GPC6: variants seen among roughly 807,000 people sequenced by gnomAD.
The protein encoded by GPC6 is glypican-6.
Under a neutral mutation model 55.2 loss-of-function variants are expected in GPC6, and 14 were observed. That is an observed-to-expected ratio of 0.25 (90% CI 0.17 to 0.40). The LOEUF is 0.40. Among genes scored for constraint, GPC6 ranks in the 10% least tolerant of loss-of-function variants. The pLI, the probability that GPC6 is intolerant of heterozygous loss-of-function variation, is 1.00. For synonymous variants in GPC6, 278 were observed against 259.6 expected (o/e 1.07, Z -0.68); for missense variants, 641 against 708.5 (o/e 0.90, Z 1.08).
chr13:93,887,585 G>A (rs752945192), intron 3 of GPC6, among the ~76,000 whole-genome samples: 12 of 152,050 alleles, frequency 7.9e-5, no homozygotes, highest in Non-Finnish European at 1.8e-4. Flanking sequence ...GACCTTAGAA[G>A]TAAAGAGATA....
At chr13:94,264,845 C>A (rs1464827964) in intron 4 of GPC6, among the ~76,000 whole-genome samples, 1 of 152,180 alleles carries the variant, frequency 6.6e-6, no homozygotes, top group Non-Finnish European at 1.5e-5. Context: ...ACCTCATAAT[C>A]ATGGCAGAAG....
chr13:93,781,276 GAAAA>G (rs10714640), intron 2 of GPC6, among the ~76,000 whole-genome samples: 1 of 136,240 alleles, frequency 7.3e-6, no homozygotes. Flanking sequence ...CTCCATCTCC[GAAAA>G]AAAAAAAAAA....
chr13:94,262,814 G>A (rs1286474223), intron 4 of GPC6, among the ~76,000 whole-genome samples: 3 of 152,068 alleles, frequency 2.0e-5, no homozygotes, highest in African/African-American at 4.8e-5. Flanking sequence ...TGTAAAATAG[G>A]ATTTAATCAC....
intron 1 of GPC6, among the ~76,000 whole-genome samples, chr13:93,516,051 A>G (rs552204472): frequency 2.6e-4 from 39 of 152,254 alleles, no homozygotes; most frequent in African/African-American, 9.1e-4. Context: ...TTCTTGCAAC[A>G]TTGGTGAAAG....
At chr13:94,266,389 C>T (rs9524388) in intron 4 of GPC6, among the ~76,000 whole-genome samples, 98,468 of 151,456 alleles carry the variant, frequency 0.65, 32,557 homozygotes, top group African/African-American at 0.77. Flanking sequence ...AGGATGGTCT[C>T]GATCTCCTGA....
chr13:93,404,160 T>C (rs1289185888), intron 1 of GPC6, among the ~76,000 whole-genome samples: 1 of 152,170 alleles, frequency 6.6e-6, no homozygotes, highest in Non-Finnish European at 1.5e-5. Context: ...TTAAACTTTA[T>C]TTTCATTTTT....
intron 4 of GPC6, among the ~76,000 whole-genome samples, chr13:94,085,321 C>CTAA (rs1885240476): frequency 1.1e-5 from 1 of 87,050 alleles, no homozygotes; most frequent in Admixed American, 1.5e-4. Flanking sequence ...GATTCTGTCT[C>CTAA]AAAAAAAAAA....
At chr13:93,305,901 A>G (rs1289770037) in intron 1 of GPC6, among the ~76,000 whole-genome samples, 1 of 152,206 alleles carries the variant, frequency 6.6e-6, no homozygotes, top group Admixed American at 6.5e-5. Flanking sequence ...TGCCTCCCAT[A>G]TGCACTGAAC....
In GPC6 at chr13:93,545,335, A is replaced by G. The variant is rs1874724646; in HGVS notation, c.233A>G (p.Gln78Arg). 2 of 1,613,668 alleles carry G rather than the reference A, an allele frequency of 1.2e-6. No homozygotes were observed. Among genetic ancestry groups the G allele is most frequent in the Admixed American group, 3.3e-5 (2 of 59,994 alleles). The change falls in exon 2 of 9, where the codon CAA becomes CGA. Residue 78 changes from glutamine to arginine, a missense_variant. Coordinates refer to ENST00000377047, the MANE Select transcript of GPC6 (RefSeq NM_005708.5). ...TTEMEDKLSQ[Q>R]SKLEFENLVE... ...GAAATGGAAGACAAGTTAAGCCAAC[A>G]AAGCAAACTCGAATTTGAAAACCTT...
chr13:93,839,071 A>G (rs1248193330), intron 3 of GPC6, among the ~76,000 whole-genome samples: 1 of 152,164 alleles, frequency 6.6e-6, no homozygotes, highest in Non-Finnish European at 1.5e-5. Flanking sequence ...GAAATAGACT[A>G]ATCAATAGCA....
intron 1 of GPC6, among the ~76,000 whole-genome samples, chr13:93,392,589 T>C (rs1875672931): frequency 1.3e-5 from 2 of 152,318 alleles, no homozygotes; most frequent in East Asian, 3.9e-4. Flanking sequence ...CACATACTGA[T>C]GGCTCAGCAT....
At chr13:94,178,718 G>A (rs1331133629) in intron 4 of GPC6, among the ~76,000 whole-genome samples, 2 of 152,098 alleles carry the variant, frequency 1.3e-5, no homozygotes, top group East Asian at 1.9e-4. Flanking sequence ...AGAGTTTCTA[G>A]TTTCCTTCCC....
intron 1 of GPC6, among the ~76,000 whole-genome samples, chr13:93,229,490 C>A (rs1429698611): frequency 6.6e-6 from 1 of 152,172 alleles, no homozygotes; most frequent in Non-Finnish European, 1.5e-5. Context: ...TAGAGTTCAT[C>A]CTCAGCATCA....
chr13:93,966,823 T>A (rs963627319), intron 3 of GPC6, among the ~76,000 whole-genome samples: 15 of 151,936 alleles, frequency 9.9e-5, no homozygotes, highest in Admixed American at 2.0e-4. Flanking sequence ...GCTAATTTTT[T>A]AAAAATATTT....
At chr13:93,891,282 G>A (rs998378030) in intron 3 of GPC6, among the ~76,000 whole-genome samples, 3 of 152,072 alleles carry the variant, frequency 2.0e-5, no homozygotes, top group African/African-American at 7.2e-5. Flanking sequence ...TTTATGCTGT[G>A]AGTCAACTGC....
At chr13:93,518,353 C>T (rs978573607) in intron 1 of GPC6, among the ~76,000 whole-genome samples, 2 of 151,518 alleles carry the variant, frequency 1.3e-5, no homozygotes, top group South Asian at 2.1e-4. Context: ...ACAGATGGGC[C>T]TTAATCTAGT....
intron 1 of GPC6, among the ~76,000 whole-genome samples, chr13:93,300,443 T>G (rs1215427616): frequency 6.8e-6 from 1 of 147,048 alleles, no homozygotes; most frequent in Non-Finnish European, 1.5e-5. Flanking sequence ...GGTCAGGAGA[T>G]TGAGACCATC....
chr13:93,422,824 G>T (rs949592278), intron 1 of GPC6, among the ~76,000 whole-genome samples: 6 of 152,142 alleles, frequency 3.9e-5, no homozygotes, highest in Admixed American at 3.3e-4. Flanking sequence ...TGTAAAAAAG[G>T]TCTTCTTTGT....
chr13:94,396,054 G>C (rs1430842723), intron 7 of GPC6, among the ~76,000 whole-genome samples: 1 of 152,196 alleles, frequency 6.6e-6, no homozygotes, highest in Non-Finnish European at 1.5e-5. Context: ...GGCAGTTACT[G>C]TGTCTTTGGG....
Sources: gnomAD v4.1 joint callset for allele counts (sites outside exome capture counted in the v4.1 genomes callset) on GRCh38, gnomAD v4.1.1 for gene constraint, MANE v1.5 for transcripts, NCBI Gene and HGNC (gene_info 2026-07-23, HGNC 2026-07-21) for gene names.